SLC27A4: variants seen among roughly 807,000 people sequenced by gnomAD.
SLC27A4 encodes solute carrier family 27 member 4, also known as long-chain fatty acid transport protein 4.
A neutral mutation model predicts 64.4 loss-of-function variants in SLC27A4; 33 were observed. The ratio of observed to expected loss-of-function variants is 0.51; its 90% CI spans 0.39 to 0.68. SLC27A4 has a LOEUF of 0.68. Among genes scored for constraint, SLC27A4 ranks in the 30% least tolerant of loss-of-function variants. The pLI is 0.00. For missense variants in SLC27A4, 824 were observed against 883.5 expected (o/e 0.93, Z 0.85); for synonymous variants, 377 against 370.0 (o/e 1.02, Z -0.22).
chr9:128,343,640 G>T (rs1048386134), intron 2 of SLC27A4, among the ~76,000 whole-genome samples: 3 of 152,208 alleles, frequency 2.0e-5, no homozygotes, highest in Admixed American at 6.5e-5. Context: ...TTTGGGGAAA[G>T]GCCCTGCCCT....
In SLC27A4 at chr9:128,360,757, G is replaced by A; in HGVS notation, c.*266G>A. The A allele has an allele frequency of 4.0e-6, 2 of 500,216 alleles. No homozygotes were observed. Among genetic ancestry groups the A allele is most frequent in the East Asian group, 3.7e-5 (1 of 26,670 alleles). 31.0% of individuals were successfully genotyped at this position (500,216 alleles called of 1,614,324 possible). A position where few individuals can be genotyped will look rare whatever the true frequency, so the allele number is the denominator to read the frequency against. On this transcript the variant is annotated 3_prime_UTR_variant, in exon 13 of 13. Transcript: ENST00000300456. ...AGGCTGAGACTGACGGGTTTTCTCA[G>A]GATGATGTCTTGGGTGAGGGTAGGG...
Position 128,345,414 on chromosome 9 carries a change from G to A in SLC27A4, c.421G>A (p.Gly141Ser). 1 of 1,613,734 alleles carries A rather than the reference G, an allele frequency of 6.2e-7. No individual in the cohort carries two copies. The highest frequency in any genetic ancestry group is 8.5e-7 in the Non-Finnish European group (1 of 1,180,024). Reference sequence around the variant, plus strand: ...CATGGAGAACCGCAATGAGTTCGTGGGCCTATGGCTGGGCATGGCCAAGCT... The same window carrying A: ...CATGGAGAACCGCAATGAGTTCGTGAGCCTATGGCTGGGCATGGCCAAGCT... ...IFMENRNEFV[G>S]LWLGMAKLGV... Residue 141 changes from glycine (G) to serine (S), a missense_variant, in exon 3 of 13, where the codon GGC becomes AGC. Physicochemically the swap from Gly to Ser is moderately conservative, Grantham distance 56 (BLOSUM62 0). Coordinates refer to ENST00000300456, the MANE Select transcript of SLC27A4 (RefSeq NM_005094.4). The surrounding 1 kb of genome is among the most constrained non-coding windows in gnomAD (Gnocchi z 4.1).
In SLC27A4 at chr9:128,355,459, G is replaced by A. The variant is rs752647187; in HGVS notation, c.1524G>A (p.Thr508=). ...ACTTCCGAGACCGCACTGGGGACAC[G>A]TTCCGCTGGAAAGGTGAGAACGTGT... ...YLYFRDRTGD[T]FRWKGENVST... Residue 508 remains threonine (T), a synonymous_variant, in exon 11 of 13, where the codon ACG becomes ACA. Transcript: ENST00000300456. 1.7e-5 allele frequency: 28 copies of A among 1,613,540 alleles called. No individual in the cohort carries two copies. The highest frequency in any genetic ancestry group is 1.0e-4 in the Admixed American group (6 of 60,000).
intron 1 of SLC27A4, chr9:128,342,089 C>T (rs1489274210): frequency 7.2e-6 from 5 of 694,586 alleles, no homozygotes; most frequent in Non-Finnish European, 1.0e-5. Context: ...GTTTTAGGGA[C>T]CCTGGATGTC....
Position 128,353,373 on chromosome 9 carries a change from C to A in SLC27A4, c.1198-42C>A, listed in dbSNP as rs990144515. 6.3e-5 allele frequency: 102 copies of A among 1,613,958 alleles called. No individual in the cohort carries two copies. The highest frequency in any genetic ancestry group is 8.1e-5 in the Non-Finnish European group (95 of 1,180,022). ...TTCCCCCTCATTGTCCAGTTTTGGGCCCATGGTGAGAGAGCCCAGGCCCAA... is the reference window on the plus strand; with the variant it reads ...TTCCCCCTCATTGTCCAGTTTTGGGACCATGGTGAGAGAGCCCAGGCCCAA... On this transcript the variant is annotated intron_variant, in intron 8 of 12. Coordinates refer to ENST00000300456, the MANE Select transcript of SLC27A4 (RefSeq NM_005094.4). The surrounding 1 kb of genome is among the most constrained non-coding windows in gnomAD (Gnocchi z 4.9).
At chr9:128,342,762 T>G in intron 1 of SLC27A4, 2 of 357,660 alleles carry the variant, frequency 5.6e-6, no homozygotes, top group South Asian at 6.5e-5. Flanking sequence ...GTTTAAAAAC[T>G]TAAAAAAAAA....
chr9:128,355,348 G>T, intron 10 of SLC27A4, 50 bp from the exon 11 acceptor site: 1 of 1,611,084 alleles, frequency 6.2e-7, no homozygotes, highest in Non-Finnish European at 8.5e-7. Flanking sequence ...CTTGAGCCCT[G>T]GTCTCAGAGC....
rs1156726635 is a variant in SLC27A4 at position 128,361,365 on chromosome 9, G to A, written c.*874G>A. 1 of 152,382 alleles carries A rather than the reference G, an allele frequency of 6.6e-6. No homozygotes were observed. Among genetic ancestry groups the A allele is most frequent in the Non-Finnish European group, 1.5e-5 (1 of 68,108 alleles). The allele number at this position is 152,382 out of a possible 1,614,324, so 9.4% of individuals were successfully genotyped here. A position where few individuals can be genotyped will look rare whatever the true frequency, so the allele number is the denominator to read the frequency against. ...ACTTATCTAAGCTGAGGGTGTAGCAGGTAAGATGCCGCAGCCCCTGCCTCC... is the reference window on the plus strand; with the variant it reads ...ACTTATCTAAGCTGAGGGTGTAGCAAGTAAGATGCCGCAGCCCCTGCCTCC... On this transcript the variant is annotated 3_prime_UTR_variant, in exon 13 of 13. Coordinates refer to ENST00000300456, the MANE Select transcript of SLC27A4 (RefSeq NM_005094.4).
At position 128,343,251 on chromosome 9, in the gene SLC27A4, G is replaced by T; in HGVS notation, c.119G>T (p.Arg40Leu). 6.2e-7 allele frequency: 1 copy of T among 1,614,100 alleles called. No homozygotes were observed. Among genetic ancestry groups the T allele is most frequent in the Non-Finnish European group, 8.5e-7 (1 of 1,180,022 alleles). Reference protein sequence around the residue: ...LFLYLGSGGWRFIRVFIKTIR... With the variant: ...LFLYLGSGGWLFIRVFIKTIR... ...CTCTACTTGGGATCTGGCGGCTGGC[G>T]CTTCATCCGGGTCTTCATCAAGACC... Residue 40 changes from arginine (R) to leucine (L), a missense_variant, in exon 2 of 13, where the codon CGC becomes CTC. Coordinates refer to ENST00000300456, the MANE Select transcript of SLC27A4 (RefSeq NM_005094.4).
chr9:128,352,840 C>A, intron 7 of SLC27A4, 93 bp downstream of exon 7: 1 of 1,126,676 alleles, frequency 8.9e-7, no homozygotes, highest in Non-Finnish European at 1.3e-6. Flanking sequence ...GCTGAGGTGG[C>A]CAGTCATTCC....
At chr9:128,342,800 A>G (rs906257315) in intron 1 of SLC27A4, 4 of 470,430 alleles carry the variant, frequency 8.5e-6, no homozygotes, top group African/African-American at 5.9e-5. Flanking sequence ...CACCCATTGC[A>G]CAGAGGGCAG....
chr9:128,346,521 A>G (rs1272000851), intron 3 of SLC27A4, among the ~76,000 whole-genome samples: 1 of 151,914 alleles, frequency 6.6e-6, no homozygotes, highest in Non-Finnish European at 1.5e-5. Flanking sequence ...GGCATGAGCC[A>G]CCACGCCCGG....
At chr9:128,360,082 C>A (rs1832875509) in intron 12 of SLC27A4, among the ~76,000 whole-genome samples, 1 of 152,184 alleles carries the variant, frequency 6.6e-6, no homozygotes, top group South Asian at 2.1e-4. Context: ...AAATAGCCTC[C>A]CTTCTCCAGG....
intron 1 of SLC27A4, 56 bp from the exon 2 acceptor site, chr9:128,343,071 G>A: frequency 6.2e-7 from 1 of 1,603,964 alleles, no homozygotes; most frequent in Non-Finnish European, 8.5e-7. Flanking sequence ...TGGGCTGGGA[G>A]GTAGGAGACC....
At chr9:128,351,900 T>C (rs1832742159) in intron 6 of SLC27A4, among the ~76,000 whole-genome samples, 1 of 150,918 alleles carries the variant, frequency 6.6e-6, no homozygotes, top group African/African-American at 2.4e-5. Context: ...AAAAATTTTG[T>C]TTTAGGCCAG....
In SLC27A4 at chr9:128,355,788, A is replaced by G. The variant is rs1832811823; in HGVS notation, c.1766A>G (p.His589Arg). ...PIFLRLLPEL[H>R]KTGTYKFQKT... ...TTCCTGCGCCTCCTGCCTGAGCTGC[A>G]CAAAACAGGTGTGTCCCTCCCCTGC... The change falls in exon 12 of 13, where the codon CAC becomes CGC. Residue 589 changes from histidine (H) to arginine (R), a missense_variant. Transcript: ENST00000300456. The G allele has an allele frequency of 6.2e-7, 1 of 1,613,232 alleles. No homozygotes were observed. Among genetic ancestry groups the G allele is most frequent in the South Asian group, 1.1e-5 (1 of 91,090 alleles).
At position 128,360,725 on chromosome 9, in the gene SLC27A4, G is replaced by A. The variant is rs1462807189; in HGVS notation, c.*234G>A. 23 of 557,748 alleles carry A rather than the reference G, an allele frequency of 4.1e-5. No homozygotes were observed. The East Asian group carries it at 6.2e-4, about 15-fold the overall frequency. 34.5% of individuals were successfully genotyped at this position (557,748 alleles called of 1,614,324 possible). A position where few individuals can be genotyped will look rare whatever the true frequency, so the allele number is the denominator to read the frequency against. Reference sequence around the variant, plus strand: ...GTCTTCTGGGCTGGGCAGGCCCTCTGGTTCCCAGGCTGAGACTGACGGGTT... The same window carrying A: ...GTCTTCTGGGCTGGGCAGGCCCTCTAGTTCCCAGGCTGAGACTGACGGGTT... On this transcript the variant is annotated 3_prime_UTR_variant, in exon 13 of 13. Coordinates refer to ENST00000300456, the MANE Select transcript of SLC27A4 (RefSeq NM_005094.4).
At position 128,353,039 on chromosome 9, in the gene SLC27A4, T is replaced by C. The variant is rs763958515; in HGVS notation, c.1002T>C (p.Ile334=). The C allele has an allele frequency of 5.0e-6, 8 of 1,613,460 alleles. No individual in the cohort carries two copies. Among genetic ancestry groups the C allele is most frequent in the South Asian group, 2.2e-5 (2 of 90,990 alleles). The change falls in exon 8 of 13, where the codon ATT becomes ATC. Residue 334 remains isoleucine (I), a synonymous_variant. Transcript: ENST00000300456. The surrounding 1 kb of genome is among the most constrained non-coding windows in gnomAD (Gnocchi z 4.9). The part of the protein sequence containing the change: ...IKYNCTIVQY[I]GELCRYLLNQ... ...TTCACCCCCAGATTGTGCAGTACAT[T>C]GGTGAACTGTGCCGCTACCTCCTGA...
At chr9:128,341,243 C>T (rs557575719) in intron 1 of SLC27A4, among the ~76,000 whole-genome samples, 12 of 152,318 alleles carry the variant, frequency 7.9e-5, no homozygotes, top group Admixed American at 2.0e-4. Context: ...AGACCATTCC[C>T]TTTTCCTGGC....
Sources: allele counts gnomAD v4.1 joint callset (sites outside exome capture counted in the v4.1 genomes callset), GRCh38; gene constraint gnomAD v4.1.1; non-coding constraint Gnocchi (gnomAD v3.1); transcripts MANE v1.5; gene names NCBI Gene and HGNC (gene_info 2026-07-23, HGNC 2026-07-21).